Variants in SH2D4B observed in about 807,000 individuals in gnomAD.
The protein encoded by SH2D4B is SH2 domain containing 4B.
A neutral mutation model predicts 61.5 loss-of-function variants in SH2D4B; 45 were observed. That is an observed-to-expected ratio of 0.73 (90% CI 0.58 to 0.94). The LOEUF is 0.94. Ranked by LOEUF, SH2D4B falls within the 40% of genes least tolerant of loss-of-function variation. The probability of loss-of-function intolerance (pLI) is 0.00; values close to 1 mark genes in which losing one functional copy is unlikely to be tolerated. For missense variants in SH2D4B, 572 were observed against 574.2 expected, an observed-to-expected ratio of 1.00 and a Z score of 0.04; for synonymous variants, 224 against 220.4, an observed-to-expected ratio of 1.02 and a Z score of -0.14.
chr10:80,588,109 A>G (rs1311797759), intron 3 of SH2D4B, among the ~76,000 whole-genome samples: 1 of 152,218 alleles, frequency 6.6e-6, no homozygotes, highest in Non-Finnish European at 1.5e-5. Context: ...GATGATGAGT[A>G]TTGCCAAGGA....
At chr10:80,618,997 G>A (rs905098423) in intron 6 of SH2D4B, among the ~76,000 whole-genome samples, 3 of 152,116 alleles carry the variant, frequency 2.0e-5, no homozygotes, top group Non-Finnish European at 2.9e-5. Context: ...TTCCTTTCCC[G>A]GGGTGCAGCT....
At chr10:80,544,639 C>A (rs1023254669) in intron 1 of SH2D4B, among the ~76,000 whole-genome samples, 3 of 152,250 alleles carry the variant, frequency 2.0e-5, no homozygotes, top group African/African-American at 7.2e-5. Flanking sequence ...GCATGCCAGC[C>A]CTGCCTGGAC....
At chr10:80,619,275 G>A (rs1842691530) in intron 6 of SH2D4B, among the ~76,000 whole-genome samples, 2 of 152,218 alleles carry the variant, frequency 1.3e-5, no homozygotes, top group Admixed American at 6.5e-5. Flanking sequence ...TCAGGCCAGT[G>A]TTCCTCAGCT....
chr10:80,576,715 A>G (rs572406265), intron 3 of SH2D4B, among the ~76,000 whole-genome samples: 1 of 152,308 alleles, frequency 6.6e-6, no homozygotes, highest in East Asian at 1.9e-4. Context: ...TGGCTGCGCC[A>G]GCCTTATGAC....
At chr10:80,617,521 T>C (rs1842673980) in intron 6 of SH2D4B, among the ~76,000 whole-genome samples, 1 of 152,210 alleles carries the variant, frequency 6.6e-6, no homozygotes, top group Non-Finnish European at 1.5e-5. Context: ...TTGTTGATTA[T>C]TACTGTCAAG....
At chr10:80,597,270 A>T (rs945890105) in intron 4 of SH2D4B, among the ~76,000 whole-genome samples, 1 of 152,180 alleles carries the variant, frequency 6.6e-6, no homozygotes, top group Non-Finnish European at 1.5e-5. Context: ...CAACCATTGT[A>T]TTAGACATAT....
chr10:80,600,342 A>T lies in SH2D4B; in HGVS notation c.644-3237A>T, dbSNP rs574422441. 4.6e-5 allele frequency among the ~76,000 whole-genome samples: 7 copies of T among 152,312 alleles called. No homozygotes were observed. In the South Asian group the frequency reaches 1.5e-3, roughly 32 times the overall value. Reference sequence around the variant, plus strand: ...GCTTTGAAGCATGGAGTTTCTCTGCAGGATGTAACCGGATCATCTGAATTC... The same window carrying T: ...GCTTTGAAGCATGGAGTTTCTCTGCTGGATGTAACCGGATCATCTGAATTC... On this transcript the variant is annotated intron_variant, in intron 4 of 7. Transcript: ENST00000646907.
At chr10:80,596,361 A>G (rs926513844) in intron 4 of SH2D4B, among the ~76,000 whole-genome samples, 3 of 152,274 alleles carry the variant, frequency 2.0e-5, no homozygotes, top group African/African-American at 7.2e-5. Flanking sequence ...ACAAAGCCTT[A>G]GGACAGTCAT....
chr10:80,593,433 C>T (rs1040072254), intron 4 of SH2D4B, among the ~76,000 whole-genome samples: 1 of 152,064 alleles, frequency 6.6e-6, no homozygotes, highest in Non-Finnish European at 1.5e-5. Flanking sequence ...AAGTTTATTC[C>T]TAATGGCGTA....
chr10:80,611,839 A>G (rs74356625), intron 6 of SH2D4B, among the ~76,000 whole-genome samples: 1,906 of 151,272 alleles, frequency 0.013, 20 homozygotes, highest in Non-Finnish European at 0.019. Flanking sequence ...AAACAGAACC[A>G]AGATTTAAGT....
At chr10:80,609,885 A>ACC (rs954745608) in intron 6 of SH2D4B, among the ~76,000 whole-genome samples, 1 of 151,882 alleles carries the variant, frequency 6.6e-6, no homozygotes, top group African/African-American at 2.4e-5. Flanking sequence ...GGTGGCTAGG[A>ACC]CCCCCATCCC....
intron 4 of SH2D4B, among the ~76,000 whole-genome samples, chr10:80,596,309 C>G (rs1842385002): frequency 6.6e-6 from 1 of 152,136 alleles, no homozygotes; most frequent in Non-Finnish European, 1.5e-5. Context: ...AAAAACTGTG[C>G]CCTCACTAAA....
chr10:80,638,289 C>T lies in SH2D4B; in HGVS notation c.1209+3784C>T, dbSNP rs897170290. Among the ~76,000 whole-genome samples the T allele has an allele frequency of 3.0e-4, 45 of 152,184 alleles. 2 individuals are homozygous for T. The highest frequency in any genetic ancestry group is 2.2e-3 in the Admixed American group (33 of 15,284). ...CTGCCAGGCTTTGGTATCAGGATGA[C>T]GTTGGCCTCATAAAATGAGTTAGAG... is the stretch of plus-strand genomic sequence containing the variant. On this transcript the variant is annotated intron_variant, in intron 7 of 7. Transcript: ENST00000646907.
At chr10:80,597,268 G>A (rs1842395125) in intron 4 of SH2D4B, among the ~76,000 whole-genome samples, 1 of 152,190 alleles carries the variant, frequency 6.6e-6, no homozygotes, top group Admixed American at 6.5e-5. Flanking sequence ...GCCAACCATT[G>A]TATTAGACAT....
At chr10:80,576,764 T>C (rs1160666343) in intron 3 of SH2D4B, among the ~76,000 whole-genome samples, 8 of 152,210 alleles carry the variant, frequency 5.3e-5, no homozygotes, top group South Asian at 2.1e-4. Flanking sequence ...ATGACTGATA[T>C]AACTTTTTAA....
Position 80,551,285 on chromosome 10 carries a change from A to ACCTGCCTG in SH2D4B, c.184+12773_184+12774insGCCTGCCT, listed in dbSNP as rs369560145. ...TAGCCAGGATGGTCTCGATCTCCTGACCTCGTGATCTGCCTGCCTCGGCCT... is the reference window on the plus strand; with the variant it reads ...TAGCCAGGATGGTCTCGATCTCCTGACCTGCCTGCCTCGTGATCTGCCTGCCTCGGCCT... On this transcript the variant is annotated intron_variant, in intron 1 of 7. Coordinates refer to ENST00000646907, the MANE Select transcript of SH2D4B (RefSeq NM_001388272.1). Among the ~76,000 whole-genome samples the ACCTGCCTG allele has an allele frequency of 3.8e-3, 580 of 152,210 alleles. 5 individuals are homozygous for ACCTGCCTG. The highest frequency in any genetic ancestry group is 0.014 in the African/African-American group (561 of 41,526).
chr10:80,604,799 T>A (rs1842497399), intron 5 of SH2D4B, among the ~76,000 whole-genome samples: 1 of 151,020 alleles, frequency 6.6e-6, no homozygotes, highest in South Asian at 2.1e-4. Context: ...TAGTTTTTTT[T>A]TTTTCTTTTT....
At chr10:80,584,865 A>G (rs1433864021) in intron 3 of SH2D4B, among the ~76,000 whole-genome samples, 1 of 152,250 alleles carries the variant, frequency 6.6e-6, no homozygotes, top group African/African-American at 2.4e-5. Flanking sequence ...ATCTAGATTG[A>G]TAACTTGATA....
At chr10:80,604,519 G>C (rs866445188) in intron 5 of SH2D4B, among the ~76,000 whole-genome samples, 19 of 152,132 alleles carry the variant, frequency 1.2e-4, no homozygotes, top group African/African-American at 3.9e-4. Flanking sequence ...GTGAGCACCT[G>C]CCTGCTCCTT....
Sources: allele counts gnomAD v4.1 joint callset (sites outside exome capture counted in the v4.1 genomes callset), GRCh38; gene constraint gnomAD v4.1.1; transcripts MANE v1.5; gene names NCBI Gene and HGNC (gene_info 2026-07-23, HGNC 2026-07-21).